Variants in PNPLA7 observed in about 807,000 individuals in gnomAD.
PNPLA7 encodes patatin like domain 7, lysophospholipase, also known as patatin-like phospholipase domain-containing protein 7.
A neutral mutation model predicts 161.7 loss-of-function variants in PNPLA7; 153 were observed. That is an observed-to-expected ratio of 0.95 (90% CI 0.83 to 1.08). The LOEUF is 1.08. Among genes scored for constraint, PNPLA7 ranks in the 50% least tolerant of loss-of-function variants. PNPLA7 has a pLI of 0.00. For synonymous variants in PNPLA7, 809 were observed against 782.1 expected, an observed-to-expected ratio of 1.03 and a Z score of -0.57; for missense variants, 1,739 against 1,856.6, an observed-to-expected ratio of 0.94 and a Z score of 1.16.
rs548726281 is a variant in PNPLA7 at position 137,549,290 on chromosome 9, G to A, written c.30+878C>T. Among the ~76,000 whole-genome samples, 7 of 152,292 alleles carry A rather than the reference G, an allele frequency of 4.6e-5. No individual in the cohort carries two copies. In the East Asian group the frequency reaches 7.7e-4, roughly 17 times the overall value. ...GAGGTCAAGAGTTCAAGACTAGGCC[G>A]GGCACGGTGGCTCATGCCTGTAATC... is the stretch of plus-strand genomic sequence containing the variant. On this transcript the variant is annotated intron_variant, in intron 1 of 34. Transcript: ENST00000406427.
intron 21 of PNPLA7, among the ~76,000 whole-genome samples, chr9:137,483,152 G>A (rs1832306582): frequency 1.3e-5 from 2 of 151,676 alleles, no homozygotes; most frequent in African/African-American, 2.4e-5. Context: ...GATTACAGGC[G>A]TGAGCCACCA....
Position 137,523,922 on chromosome 9 carries a change from G to A in PNPLA7, c.748-1065C>T, listed in dbSNP as rs1341911777. ...TGGGATTACCGGCGTGAGCCACCAC[G>A]CCTGGCTCAGATTATTCTGGAAATT... On this transcript the variant is annotated intron_variant, in intron 8 of 34. Coordinates refer to ENST00000406427, the MANE Select transcript of PNPLA7 (RefSeq NM_001098537.3). The surrounding 1 kb of genome is among the most constrained non-coding windows in gnomAD (Gnocchi z 4.4). Among the ~76,000 whole-genome samples, 1 of 151,918 alleles carries A rather than the reference G, an allele frequency of 6.6e-6. No individual in the cohort carries two copies. Among genetic ancestry groups the A allele is most frequent in the Admixed American group, 6.5e-5 (1 of 15,270 alleles).
intron 12 of PNPLA7, among the ~76,000 whole-genome samples, chr9:137,507,591 C>T (rs1833990414): frequency 1.3e-5 from 2 of 152,172 alleles, no homozygotes; most frequent in South Asian, 2.1e-4. Flanking sequence ...ATCCCTTGAA[C>T]CCAGGAGGCA....
chr9:137,500,757 A>G lies in PNPLA7; in HGVS notation c.1691T>C (p.Leu564Pro). Residue 564 changes from leucine to proline, a missense_variant, in exon 16 of 35, where the codon CTC (leucine) becomes CCC (proline). Transcript: ENST00000406427. The surrounding 1 kb of genome is among the most constrained non-coding windows in gnomAD (Gnocchi z 5.5). ...GQLAVLTGEP[L>P]IFTVKANRDC... is the part of the protein sequence containing the mutation. Reference sequence around the variant, plus strand: ...CCTGTTGGCCTTGACGGTGAAGATGAGAGGCTCCCCGGTGAGCACGGCCAG... The same window carrying G: ...CCTGTTGGCCTTGACGGTGAAGATGGGAGGCTCCCCGGTGAGCACGGCCAG... 3.7e-6 allele frequency: 6 copies of G among 1,612,368 alleles called. No homozygotes were observed. Among genetic ancestry groups the G allele is most frequent in the South Asian group, 2.2e-5 (2 of 90,942 alleles).
chr9:137,516,598 C>T, intron 11 of PNPLA7: 1 of 895,090 alleles, frequency 1.1e-6, no homozygotes, highest in Non-Finnish European at 1.3e-6. Context: ...CACTTGAGAC[C>T]AGGAGTTCAA....
chr9:137,532,346 A>G (rs1336286682), intron 8 of PNPLA7, among the ~76,000 whole-genome samples: 2 of 152,150 alleles, frequency 1.3e-5, no homozygotes, highest in Non-Finnish European at 2.9e-5. Flanking sequence ...CTGAAGCACA[A>G]GACTCACTTG....
chr9:137,496,232 C>T (rs924577932), intron 18 of PNPLA7, among the ~76,000 whole-genome samples: 3 of 151,510 alleles, frequency 2.0e-5, no homozygotes, highest in Non-Finnish European at 2.9e-5. Context: ...CTCAGCCTCC[C>T]GAGTAGCTGG....
chr9:137,501,958 C>T (rs1833451561), intron 14 of PNPLA7, among the ~76,000 whole-genome samples: 1 of 152,204 alleles, frequency 6.6e-6, no homozygotes, highest in African/African-American at 2.4e-5. Context: ...AACAGTGGAG[C>T]AAGGCAGAAA....
intron 4 of PNPLA7, 89 bp downstream of exon 4, chr9:137,546,741 C>A (rs1386959689): frequency 8.0e-7 from 1 of 1,254,886 alleles, no homozygotes; most frequent in Non-Finnish European, 1.2e-6. Flanking sequence ...CACTGCCCAG[C>A]CTGGGGGAGC....
chr9:137,527,429 G>T (rs1835361319), intron 8 of PNPLA7, among the ~76,000 whole-genome samples: 1 of 152,196 alleles, frequency 6.6e-6, no homozygotes, highest in South Asian at 2.1e-4. Context: ...GATTTAGGAA[G>T]TTCTCTTCTG....
Position 137,480,300 on chromosome 9 carries a change from C to G in PNPLA7, c.2580+12G>C, listed in dbSNP as rs781390990. On this transcript the variant is annotated intron_variant, in intron 23 of 34. Coordinates refer to ENST00000406427, the MANE Select transcript of PNPLA7 (RefSeq NM_001098537.3). Reference sequence around the variant, plus strand: ...GGCTCTCCCCAGCTCCACCGGCCCTCCCCGTGCTCACCTCGCCCACTGTGG... The same window carrying G: ...GGCTCTCCCCAGCTCCACCGGCCCTGCCCGTGCTCACCTCGCCCACTGTGG... 3.1e-6 allele frequency: 5 copies of G among 1,610,218 alleles called. No individual in the cohort carries two copies. The highest frequency in any genetic ancestry group is 1.7e-6 in the Non-Finnish European group (2 of 1,179,422).
At chr9:137,506,450 G>C (rs540927450) in intron 12 of PNPLA7, among the ~76,000 whole-genome samples, 1 of 152,258 alleles carries the variant, frequency 6.6e-6, no homozygotes, top group South Asian at 2.1e-4. Flanking sequence ...GGCCAACCCT[G>C]GGTAGAGCAC....
chr9:137,482,263 T>C (rs1832257535), intron 21 of PNPLA7, among the ~76,000 whole-genome samples: 1 of 152,218 alleles, frequency 6.6e-6, no homozygotes, highest in Admixed American at 6.5e-5. Flanking sequence ...AAAACCTCTG[T>C]CCACACAGAA....
rs1189694232 is a variant in PNPLA7 at position 137,543,970 on chromosome 9, TG to T, written c.274-156del. ...GGCTGTGCCATTTTCCCACCCTGCC[TG>T]GCCTGTGAGGGAATGTTGGCAGCGA... is the stretch of plus-strand genomic sequence containing the variant. On this transcript the variant is annotated intron_variant, in intron 4 of 34. Coordinates refer to ENST00000406427, the MANE Select transcript of PNPLA7 (RefSeq NM_001098537.3). This position sits in a 1 kb window ranked among gnomAD's most constrained non-coding sequence, Gnocchi z 6.9. 1.3e-5 allele frequency among the ~76,000 whole-genome samples: 2 copies of T among 152,162 alleles called. No individual in the cohort carries two copies. Among genetic ancestry groups the T allele is most frequent in the Non-Finnish European group, 2.9e-5 (2 of 68,020 alleles).
chr9:137,532,216 C>G (rs1380628476), intron 8 of PNPLA7, among the ~76,000 whole-genome samples: 4 of 152,198 alleles, frequency 2.6e-5, no homozygotes, highest in African/African-American at 9.7e-5. Context: ...GAGGGCAGAT[C>G]GCTTGAGGTC....
chr9:137,526,196 G>A lies in PNPLA7; in HGVS notation c.748-3339C>T, dbSNP rs1835293318. Among the ~76,000 whole-genome samples the A allele has an allele frequency of 2.0e-5, 3 of 152,192 alleles. No homozygotes were observed. The South Asian group carries it at 6.2e-4, about 31-fold the overall frequency. ...ACCTGGGTGGCTTGCCGCCCACAAG[G>A]AGGATGGCATAGCTCAAGGACACGG... is the stretch of plus-strand genomic sequence containing the variant. On this transcript the variant is annotated intron_variant, in intron 8 of 34. Transcript: ENST00000406427.
At chr9:137,531,987 G>A (rs1314566536) in intron 8 of PNPLA7, among the ~76,000 whole-genome samples, 1 of 152,138 alleles carries the variant, frequency 6.6e-6, no homozygotes, top group African/African-American at 2.4e-5. Flanking sequence ...GGCTGGCCTA[G>A]AACTACGAGG....
intron 24 of PNPLA7, 60 bp from the exon 25 acceptor site, chr9:137,478,212 C>G (rs1447201059): frequency 8.3e-7 from 1 of 1,197,830 alleles, no homozygotes; most frequent in Non-Finnish European, 1.1e-6. Flanking sequence ...CGAGACCTCG[C>G]ATCCTGGCTT....
At chr9:137,518,323 C>A (rs191753625) in intron 11 of PNPLA7, among the ~76,000 whole-genome samples, 2 of 116,794 alleles carry the variant, frequency 1.7e-5, no homozygotes, top group African/African-American at 7.6e-5. Context: ...ACTCCATCCC[C>A]CACTCACTCA....
Sources: allele counts gnomAD v4.1 joint callset (sites outside exome capture counted in the v4.1 genomes callset), GRCh38; gene constraint gnomAD v4.1.1; non-coding constraint Gnocchi (gnomAD v3.1); transcripts MANE v1.5; gene names NCBI Gene and HGNC (gene_info 2026-07-23, HGNC 2026-07-21).